The following MDGA2 variants were observed in gnomAD, a reference collection of about 807,000 sequenced individuals.
The protein encoded by MDGA2 is MAM domain containing glycosylphosphatidylinositol anchor 2.
MDGA2 carries 40 observed loss-of-function variants against 117.8 expected under a neutral mutation model. The observed-to-expected ratio is 0.34, with a 90% CI of 0.26 to 0.44. The LOEUF is 0.44. Ranked by LOEUF, MDGA2 falls within the 20% of genes least tolerant of loss-of-function variation. MDGA2 has a pLI of 1.00. For missense variants in MDGA2, 1,123 were observed against 1,250.6 expected, an observed-to-expected ratio of 0.90 and a Z score of 1.54; for synonymous variants, 452 against 439.0, an observed-to-expected ratio of 1.03 and a Z score of -0.37.
chr14:47,501,098 T>C (rs906220580), intron 1 of MDGA2, among the ~76,000 whole-genome samples: 2 of 152,170 alleles, frequency 1.3e-5, no homozygotes, highest in Admixed American at 1.3e-4. Context: ...TGCTTCATGA[T>C]ATGATGTAAC....
chr14:47,387,407 C>T (rs1056976113), intron 1 of MDGA2, among the ~76,000 whole-genome samples: 3 of 151,632 alleles, frequency 2.0e-5, no homozygotes, highest in African/African-American at 4.8e-5. Flanking sequence ...ATCACGCACT[C>T]GGATCTTTGT....
chr14:47,460,595 G>A (rs1893462651), intron 1 of MDGA2, among the ~76,000 whole-genome samples: 1 of 152,082 alleles, frequency 6.6e-6, no homozygotes, highest in African/African-American at 2.4e-5. Context: ...TATAGTAAGT[G>A]TTGGGAGATA....
At chr14:47,460,176 T>A (rs940792385) in intron 1 of MDGA2, among the ~76,000 whole-genome samples, 2 of 152,206 alleles carry the variant, frequency 1.3e-5, no homozygotes, top group Non-Finnish European at 2.9e-5. Context: ...TTTTTAGATA[T>A]GCCTAATACA....
rs1324952110 is a variant in MDGA2, at chr14:47,361,599, T to C, written c.281-60049A>G. ...AATAACTAACTCTGCTTCTCCCCTATGCCTTCAGATTTAAAGCATGATTAT... is the reference window on the plus strand; with the variant it reads ...AATAACTAACTCTGCTTCTCCCCTACGCCTTCAGATTTAAAGCATGATTAT... On this transcript the variant is annotated intron_variant, in intron 1 of 16. Coordinates refer to ENST00000399232, the MANE Select transcript of MDGA2 (RefSeq NM_001113498.3). Among the ~76,000 whole-genome samples the C allele has an allele frequency of 3.3e-5, 5 of 152,140 alleles. No individual in the cohort carries two copies. In the East Asian group the frequency reaches 5.8e-4, roughly 18 times the overall value.
intron 1 of MDGA2, among the ~76,000 whole-genome samples, chr14:47,318,111 CA>C (rs1889863593): frequency 1.4e-5 from 2 of 147,866 alleles, no homozygotes; most frequent in African/African-American, 4.9e-5. Context: ...CCAACCACTG[CA>C]AAAGCAGTCT....
At chr14:47,314,321 T>A (rs1422029475) in intron 1 of MDGA2, among the ~76,000 whole-genome samples, 1 of 152,212 alleles carries the variant, frequency 6.6e-6, no homozygotes, top group Non-Finnish European at 1.5e-5. Context: ...GTAAACTTAG[T>A]ACATACACAG....
At chr14:47,019,307 C>A (rs1360254331) in intron 8 of MDGA2, among the ~76,000 whole-genome samples, 1 of 151,986 alleles carries the variant, frequency 6.6e-6, no homozygotes, top group East Asian at 1.9e-4. Flanking sequence ...CGTAAGTACA[C>A]AAAACAATAA....
At chr14:47,306,842 G>GTAGAGAGAGA (rs1889463106) in intron 1 of MDGA2, among the ~76,000 whole-genome samples, 1 of 146,598 alleles carries the variant, frequency 6.8e-6, no homozygotes, top group Non-Finnish European at 1.5e-5. Flanking sequence ...AGAGAAAGAG[G>GTAGAGAGAGA]GAGAGAGAGA....
chr14:47,312,699 T>TG (rs1889679228), intron 1 of MDGA2, among the ~76,000 whole-genome samples: 1 of 138,128 alleles, frequency 7.2e-6, no homozygotes, highest in South Asian at 2.4e-4. Context: ...TTTTGTTTTG[T>TG]TTTTTTTTTT....
intron 1 of MDGA2, among the ~76,000 whole-genome samples, chr14:47,614,380 G>A (rs749089517): frequency 2.6e-5 from 4 of 151,986 alleles, no homozygotes; most frequent in Non-Finnish European, 5.9e-5. Flanking sequence ...ATGAGCCATC[G>A]CATCCGGCCA....
chr14:46,897,379 A>T (rs552013273), intron 10 of MDGA2, among the ~76,000 whole-genome samples: 8 of 152,270 alleles, frequency 5.3e-5, no homozygotes, highest in African/African-American at 1.9e-4. Context: ...AGTTGGAGAA[A>T]CACGTGATGT....
intron 2 of MDGA2, among the ~76,000 whole-genome samples, chr14:47,251,911 GAA>G (rs1325098560): frequency 6.7e-6 from 1 of 150,266 alleles, no homozygotes; most frequent in Admixed American, 6.8e-5. Flanking sequence ...ATTTGACTCA[GAA>G]CAAGGTTGGT....
At chr14:47,280,001 A>AT (rs905658667) in intron 2 of MDGA2, among the ~76,000 whole-genome samples, 231 of 145,236 alleles carry the variant, frequency 1.6e-3, no homozygotes, top group East Asian at 5.1e-3. Flanking sequence ...CTAGTTTTTG[A>AT]TTTTTTTTTT....
chr14:47,219,072 TC>T (rs994754686), intron 2 of MDGA2, among the ~76,000 whole-genome samples: 15 of 152,148 alleles, frequency 9.9e-5, no homozygotes, highest in African/African-American at 3.6e-4. Context: ...TGATTTTATT[TC>T]CCTTTGTGCC....
At chr14:47,538,210 T>A (rs1895263122) in intron 1 of MDGA2, among the ~76,000 whole-genome samples, 1 of 152,212 alleles carries the variant, frequency 6.6e-6, no homozygotes, top group African/African-American at 2.4e-5. Flanking sequence ...CCTGGATATA[T>A]ATGGCTTAGT....
At chr14:47,465,114 A>G (rs1332740056) in intron 1 of MDGA2, among the ~76,000 whole-genome samples, 2 of 152,160 alleles carry the variant, frequency 1.3e-5, no homozygotes, top group African/African-American at 4.8e-5. Flanking sequence ...CTCCCTATTC[A>G]ATAAATGGTG....
intron 8 of MDGA2, among the ~76,000 whole-genome samples, chr14:47,021,259 T>C (rs1888276546): frequency 6.6e-6 from 1 of 152,140 alleles, no homozygotes. Context: ...AGATGCATGA[T>C]ATATGGATCC....
chr14:47,247,793 GCA>G (rs1161388165), intron 2 of MDGA2, among the ~76,000 whole-genome samples: 1 of 150,916 alleles, frequency 6.6e-6, no homozygotes, highest in Non-Finnish European at 1.5e-5. Context: ...CCCTCTCCTA[GCA>G]CCCCCCACTC....
At chr14:47,101,663 G>A (rs963965999) in intron 5 of MDGA2, among the ~76,000 whole-genome samples, 1 of 152,174 alleles carries the variant, frequency 6.6e-6, no homozygotes, top group Non-Finnish European at 1.5e-5. Context: ...AAAAACAATA[G>A]GAATGAGAGA....
Sources: allele counts gnomAD v4.1 joint callset (sites outside exome capture counted in the v4.1 genomes callset), GRCh38; gene constraint gnomAD v4.1.1; transcripts MANE v1.5; gene names NCBI Gene and HGNC (gene_info 2026-07-23, HGNC 2026-07-21).